UNC13C: variants seen among roughly 807,000 people sequenced by gnomAD.
UNC13C encodes the protein protein unc-13 homolog C.
In UNC13C, 174 loss-of-function variants were observed where a neutral mutation model predicts 245.4. The observed-to-expected ratio is 0.71, with a 90% CI of 0.63 to 0.80. The LOEUF (loss-of-function observed/expected upper bound fraction) is 0.80, where lower values mean the gene tolerates loss of function less well. Among genes scored for constraint, UNC13C ranks in the 30% least tolerant of loss-of-function variants. The pLI, the probability that UNC13C is intolerant of heterozygous loss-of-function variation, is 0.00. For synonymous variants in UNC13C, 992 were observed against 895.1 expected (o/e 1.11, Z -1.93); for missense variants, 2,829 against 2,602.9 (o/e 1.09, Z -1.89).
chr15:54,044,524 A>G (rs1284101067), intron 2 of UNC13C: 1 of 226,412 alleles, frequency 4.4e-6, no homozygotes, highest in Non-Finnish European at 9.6e-6. Flanking sequence ...AAGTGGCTGC[A>G]CAACCTGACA....
chr15:54,109,234 T>C (rs570807271), intron 2 of UNC13C, among the ~76,000 whole-genome samples: 20 of 150,980 alleles, frequency 1.3e-4, no homozygotes, highest in Admixed American at 1.3e-3. Flanking sequence ...TTACAAACTA[T>C]ATTTTATTTT....
chr15:54,533,122 G>C, intron 26 of UNC13C, 56 bp downstream of exon 26: 2 of 1,403,238 alleles, frequency 1.4e-6, no homozygotes, highest in East Asian at 4.9e-5. Context: ...TGACCTTTAA[G>C]GCTTTAAGAA....
chr15:54,447,161 A>T (rs1890863776), intron 19 of UNC13C, among the ~76,000 whole-genome samples: 1 of 152,158 alleles, frequency 6.6e-6, no homozygotes, highest in Admixed American at 6.5e-5. Context: ...ATGGTGGATA[A>T]GCTTGTTGAT....
At chr15:53,838,248 C>T in the UNC13C span, among the ~76,000 whole-genome samples, 1 of 152,002 alleles carries the variant, frequency 6.6e-6, no homozygotes, top group Non-Finnish European at 1.5e-5. Context: ...ATACTTTATA[C>T]AAACTTTATA....
chr15:54,157,948 C>G (rs549258722), intron 4 of UNC13C, among the ~76,000 whole-genome samples: 1 of 152,148 alleles, frequency 6.6e-6, no homozygotes, highest in Admixed American at 6.5e-5. Context: ...GGTCTTCTGC[C>G]TAAGAAAATG....
At chr15:54,568,662 T>A (rs1439566239) in intron 30 of UNC13C, among the ~76,000 whole-genome samples, 1 of 152,112 alleles carries the variant, frequency 6.6e-6, no homozygotes, top group African/African-American at 2.4e-5. Context: ...AAGAGCCAAA[T>A]GCAGGCTCAA....
intron 17 of UNC13C, among the ~76,000 whole-genome samples, chr15:54,376,176 A>G (rs1026271926): frequency 5.3e-5 from 8 of 152,166 alleles, no homozygotes; most frequent in Non-Finnish European, 8.8e-5. Context: ...TTTCCCAAGG[A>G]TAAATGTACT....
chr15:54,521,509 C>G (rs1895213940), intron 24 of UNC13C, among the ~76,000 whole-genome samples: 1 of 152,114 alleles, frequency 6.6e-6, no homozygotes, highest in East Asian at 1.9e-4. Flanking sequence ...TTGCTTGTAA[C>G]TCTAGCAAGA....
chr15:53,945,432 A>C, the UNC13C span, among the ~76,000 whole-genome samples: 1 of 152,114 alleles, frequency 6.6e-6, no homozygotes, highest in South Asian at 2.1e-4. Flanking sequence ...TAATATAAAG[A>C]AGGGGGTCCA....
chr15:53,985,391 G>T (rs1317893070), intron 1 of UNC13C, among the ~76,000 whole-genome samples: 1 of 149,948 alleles, frequency 6.7e-6, no homozygotes, highest in Non-Finnish European at 1.5e-5. Flanking sequence ...AAGTTTTAGG[G>T]CACATGTGCA....
intron 2 of UNC13C, among the ~76,000 whole-genome samples, chr15:54,078,762 A>G (rs912469520): frequency 6.6e-5 from 10 of 152,034 alleles, no homozygotes; most frequent in Non-Finnish European, 1.5e-5. Flanking sequence ...ACTTTCTCCT[A>G]TTCTGTAGGC....
At chr15:54,132,074 C>CTTTTCTTTTTT (rs2031456573) in intron 2 of UNC13C, among the ~76,000 whole-genome samples, 1 of 110,646 alleles carries the variant, frequency 9.0e-6, no homozygotes, top group African/African-American at 3.2e-5. Context: ...TTTTCTTTTT[C>CTTTTCTTTTTT]TTTTTTTTTT....
chr15:54,239,290 A>G (rs925903361), intron 7 of UNC13C, among the ~76,000 whole-genome samples: 1 of 151,944 alleles, frequency 6.6e-6, no homozygotes, highest in Non-Finnish European at 1.5e-5. Context: ...GGGTTTTTCC[A>G]TCAGCAAGCT....
intron 19 of UNC13C, among the ~76,000 whole-genome samples, chr15:54,467,696 T>C (rs1345660126): frequency 6.6e-6 from 1 of 151,650 alleles, no homozygotes. Context: ...GAGTTTGACT[T>C]TTTCAGATCC....
chr15:54,000,629 A>G (rs751692174), intron 1 of UNC13C, among the ~76,000 whole-genome samples: 1 of 152,164 alleles, frequency 6.6e-6, no homozygotes, highest in Non-Finnish European at 1.5e-5. Context: ...ATTGCCACTA[A>G]TTACTAAACC....
the UNC13C span, among the ~76,000 whole-genome samples, chr15:53,863,287 C>T: frequency 1.1e-4 from 16 of 152,276 alleles, no homozygotes; most frequent in East Asian, 1.7e-3. Flanking sequence ...CTGTCTGGGG[C>T]GGCAGAGTCA....
the UNC13C span, among the ~76,000 whole-genome samples, chr15:53,875,883 T>C: frequency 6.6e-6 from 1 of 151,960 alleles, no homozygotes; most frequent in Admixed American, 6.6e-5. Context: ...GCAAGAAGAG[T>C]TGTTTGACTG....
chr15:53,979,335 C>T (rs753420196), intron 1 of UNC13C, among the ~76,000 whole-genome samples: 17 of 124,696 alleles, frequency 1.4e-4, no homozygotes, highest in Non-Finnish European at 3.1e-4. Context: ...AGATGTCATA[C>T]ACTAGTGTGT....
chr15:54,204,586 A>C (rs1293388478), intron 4 of UNC13C, among the ~76,000 whole-genome samples: 1 of 152,072 alleles, frequency 6.6e-6, no homozygotes, highest in Non-Finnish European at 1.5e-5. Context: ...TTAAAATCTC[A>C]ACAAATTGTT....
Sources: allele counts gnomAD v4.1 joint callset (sites outside exome capture counted in the v4.1 genomes callset), GRCh38; gene constraint gnomAD v4.1.1; transcripts MANE v1.5; gene names NCBI Gene and HGNC (gene_info 2026-07-23, HGNC 2026-07-21).